Variants in ODR4 observed in about 807,000 individuals in gnomAD.
ODR4 encodes the protein protein odr-4 homolog.
Under a neutral mutation model 60.2 loss-of-function variants are expected in ODR4, and 47 were observed. That is an observed-to-expected ratio of 0.78 (90% CI 0.62 to 1.00). The LOEUF (loss-of-function observed/expected upper bound fraction) is 1.00, where lower values mean the gene tolerates loss of function less well. Ranked by LOEUF, ODR4 falls within the 50% of genes least tolerant of loss-of-function variation. The pLI is 0.00. For missense variants in ODR4, 488 were observed against 530.8 expected (o/e 0.92, Z 0.79); for synonymous variants, 178 against 175.5 (o/e 1.01, Z -0.11).
At chr1:186,387,588 A>G (rs1401952197) in intron 4 of ODR4, among the ~76,000 whole-genome samples, 1 of 152,232 alleles carries the variant, frequency 6.6e-6, no homozygotes, top group Non-Finnish European at 1.5e-5. Context: ...ACACTACAAG[A>G]AACAGCCTTA....
chr1:186,401,240 G>T, intron 11 of ODR4: 1 of 1,404,652 alleles, frequency 7.1e-7, no homozygotes, highest in South Asian at 1.2e-5. Flanking sequence ...TGTACTGTTT[G>T]TATGTTAAAC....
intron 9 of ODR4, among the ~76,000 whole-genome samples, chr1:186,394,935 A>T (rs1660613155): frequency 2.0e-5 from 3 of 152,114 alleles, no homozygotes; most frequent in Admixed American, 1.3e-4. Flanking sequence ...TCCACTACTT[A>T]TGTGCTTTTC....
At chr1:186,390,157 T>C (rs1660408045) in intron 6 of ODR4, among the ~76,000 whole-genome samples, 1 of 152,160 alleles carries the variant, frequency 6.6e-6, no homozygotes, top group East Asian at 1.9e-4. Flanking sequence ...CCTACCTTGT[T>C]TGTGTATTTA....
the ODR4 span, among the ~76,000 whole-genome samples, chr1:186,427,718 A>G: frequency 6.6e-6 from 1 of 152,220 alleles, no homozygotes; most frequent in Non-Finnish European, 1.5e-5. Flanking sequence ...CAGAGGAATC[A>G]CTATCTTTGG....
chr1:186,399,085 T>G, intron 11 of ODR4, 41 bp downstream of exon 11: 1 of 1,223,772 alleles, frequency 8.2e-7, no homozygotes, highest in Non-Finnish European at 1.2e-6. Context: ...TATCTTCAAC[T>G]GATATAGTAA....
At chr1:186,404,776 A>G (rs1661112897) in intron 11 of ODR4, among the ~76,000 whole-genome samples, 1 of 152,168 alleles carries the variant, frequency 6.6e-6, no homozygotes, top group Non-Finnish European at 1.5e-5. Context: ...TTCTGTTTGT[A>G]ATTATGTAAA....
At chr1:186,382,324 A>G (rs1226382365) in intron 2 of ODR4, among the ~76,000 whole-genome samples, 2 of 151,368 alleles carry the variant, frequency 1.3e-5, no homozygotes, top group African/African-American at 4.9e-5. Flanking sequence ...TTGGGAGACT[A>G]CTTGGGGGGA....
Position 186,379,877 on chromosome 1 carries a change from T to A in ODR4, c.92T>A (p.Ile31Lys), listed in dbSNP as rs932446852. The change falls in exon 2 of 14, where the codon ATA becomes AAA. Residue 31 changes from isoleucine (I) to lysine (K), a missense_variant. Transcript: ENST00000287859. ...QGKAFVSGLL[I>K]GQCSSQKDYV... ...AAGGCTTTTGTCTCTGGCCTTTTAA[T>A]AGGACAGGTATGTATCTTTTACTCT... is the stretch of plus-strand genomic sequence containing the variant. 1.3e-6 allele frequency: 2 copies of A among 1,572,642 alleles called. No individual in the cohort carries two copies. The highest frequency in any genetic ancestry group is 1.7e-6 in the Non-Finnish European group (2 of 1,150,938).
intron 8 of ODR4, 73 bp downstream of exon 8, chr1:186,391,864 C>A: frequency 2.2e-6 from 2 of 891,860 alleles, no homozygotes; most frequent in Non-Finnish European, 3.5e-6. Flanking sequence ...TATTTTTAGT[C>A]CTTGCCTACA....
chr1:186,397,012 C>G (rs533640008), intron 9 of ODR4, among the ~76,000 whole-genome samples: 82 of 152,216 alleles, frequency 5.4e-4, no homozygotes, highest in African/African-American at 2.0e-3. Context: ...TCAGCATCGT[C>G]ACACTGCTGC....
At chr1:186,378,880 T>G (rs1319191282) in intron 1 of ODR4, among the ~76,000 whole-genome samples, 1 of 152,240 alleles carries the variant, frequency 6.6e-6, no homozygotes, top group African/African-American at 2.4e-5. Flanking sequence ...GTTATTGTAT[T>G]GCTATTTATC....
At chr1:186,384,135 GA>G (rs1271541920) in intron 3 of ODR4, among the ~76,000 whole-genome samples, 2 of 151,992 alleles carry the variant, frequency 1.3e-5, no homozygotes, top group African/African-American at 2.4e-5. Flanking sequence ...AATTTATAAA[GA>G]AAAAAAGGCC....
At chr1:186,405,662 C>T (rs751187453) in intron 11 of ODR4, among the ~76,000 whole-genome samples, 15 of 152,160 alleles carry the variant, frequency 9.9e-5, no homozygotes, top group Non-Finnish European at 2.1e-4. Flanking sequence ...AGAAATCCTC[C>T]TGCCTCAGCC....
At chr1:186,387,709 C>T (rs537090204) in intron 4 of ODR4, among the ~76,000 whole-genome samples, 3 of 152,190 alleles carry the variant, frequency 2.0e-5, no homozygotes, top group African/African-American at 7.2e-5. Context: ...GTTGTGCCTC[C>T]TCTGATGATT....
downstream of ODR4, among the ~76,000 whole-genome samples, chr1:186,424,327 T>C (rs1661848061): frequency 6.6e-6 from 1 of 152,200 alleles, no homozygotes; most frequent in African/African-American, 2.4e-5. Flanking sequence ...CTAAACTGTA[T>C]TATGTAGGAA....
intron 7 of ODR4, among the ~76,000 whole-genome samples, 181 bp downstream of exon 7, chr1:186,391,032 C>T (rs1660448882): frequency 6.6e-6 from 1 of 152,118 alleles, no homozygotes. Context: ...AGAAGTGGAA[C>T]AATGTCATAA....
At chr1:186,426,798 T>G in the ODR4 span, among the ~76,000 whole-genome samples, 2 of 152,196 alleles carry the variant, frequency 1.3e-5, no homozygotes, top group Admixed American at 6.5e-5. Flanking sequence ...ACCTCAGAGA[T>G]ATTGTGGGCT....
the ODR4 span, among the ~76,000 whole-genome samples, chr1:186,430,121 T>C: frequency 6.6e-6 from 1 of 152,082 alleles, no homozygotes; most frequent in Non-Finnish European, 1.5e-5. Context: ...ATTAATATAA[T>C]AGAAATAGAC....
rs554030808 is a variant in ODR4 at position 186,380,045 on chromosome 1, T to C, written c.99+161T>C. On this transcript the variant is annotated intron_variant, in intron 2 of 13. Transcript: ENST00000287859. ...AAGAAGTAACTTTAAAGTAGGTCTTTGAGGAAACATGGAGAAGTAGACAAA... is the reference window on the plus strand; with the variant it reads ...AAGAAGTAACTTTAAAGTAGGTCTTCGAGGAAACATGGAGAAGTAGACAAA... 2.0e-5 allele frequency among the ~76,000 whole-genome samples: 3 copies of C among 152,306 alleles called. No individual in the cohort carries two copies. The South Asian group carries it at 6.2e-4, about 32-fold the overall frequency.
Sources: allele counts gnomAD v4.1 joint callset (sites outside exome capture counted in the v4.1 genomes callset), GRCh38; gene constraint gnomAD v4.1.1; transcripts MANE v1.5; gene names NCBI Gene and HGNC (gene_info 2026-07-23, HGNC 2026-07-21).